NSMAF: variants seen among roughly 807,000 people sequenced by gnomAD.
NSMAF encodes protein FAN.
In NSMAF, 90 loss-of-function variants were observed where a neutral mutation model predicts 134.9. That is an observed-to-expected ratio of 0.67 (90% CI 0.56 to 0.79). The LOEUF (loss-of-function observed/expected upper bound fraction) is 0.79, where lower values mean the gene tolerates loss of function less well. Among genes scored for constraint, NSMAF ranks in the 30% least tolerant of loss-of-function variants. The pLI, the probability that NSMAF is intolerant of heterozygous loss-of-function variation, is 0.00. For synonymous variants in NSMAF, 358 were observed against 389.6 expected (o/e 0.92, Z 0.96); for missense variants, 1,010 against 1,119.0 (o/e 0.90, Z 1.39).
chr8:58,623,341 T>C (rs779957471), intron 8 of NSMAF, 36 bp downstream of exon 8: 8 of 1,610,526 alleles, frequency 5.0e-6, no homozygotes, highest in South Asian at 4.4e-5. Flanking sequence ...ACAAGTTAAT[T>C]GACAATCAAA....
At chr8:58,628,175 C>G (rs964000983) in intron 6 of NSMAF, among the ~76,000 whole-genome samples, 1 of 152,136 alleles carries the variant, frequency 6.6e-6, no homozygotes, top group African/African-American at 2.4e-5. Flanking sequence ...GGAAAACTGG[C>G]AAGCCACATG....
chr8:58,585,477 G>A (rs566265850), intron 30 of NSMAF, among the ~76,000 whole-genome samples, 175 bp downstream of exon 30: 7 of 152,016 alleles, frequency 4.6e-5, no homozygotes, highest in Admixed American at 1.3e-4. Flanking sequence ...TAAATCCTGA[G>A]TAACCTACGA....
chr8:58,600,873 G>A (rs1273319247), intron 16 of NSMAF, among the ~76,000 whole-genome samples: 1 of 151,916 alleles, frequency 6.6e-6, no homozygotes, highest in African/African-American at 2.4e-5. Flanking sequence ...TACACACAGG[G>A]AGCTGTATTC....
At chr8:58,630,334 C>G (rs576908418) in intron 6 of NSMAF, among the ~76,000 whole-genome samples, 150 of 148,032 alleles carry the variant, frequency 1.0e-3, no homozygotes, top group Non-Finnish European at 2.0e-3. Flanking sequence ...TTTTTTTAAT[C>G]TGAGAATGCT....
intron 9 of NSMAF, among the ~76,000 whole-genome samples, chr8:58,616,820 G>A (rs1045129677): frequency 1.3e-5 from 2 of 152,066 alleles, no homozygotes; most frequent in African/African-American, 4.8e-5. Flanking sequence ...TTATGTACAT[G>A]AAAACTCCAT....
intron 11 of NSMAF, 56 bp downstream of exon 11, chr8:58,607,713 C>G: frequency 6.6e-6 from 9 of 1,358,558 alleles, no homozygotes. Flanking sequence ...CAATAAACTG[C>G]TGGCTAAACT....
intron 21 of NSMAF, chr8:58,595,862 T>C (rs977436121): frequency 2.7e-5 from 13 of 487,372 alleles, no homozygotes; most frequent in Admixed American, 9.9e-5. Context: ...AAAGTATCTT[T>C]GAATAATACT....
rs1806330171 is a variant in NSMAF at position 58,603,351 on chromosome 8, T to C, written c.904A>G (p.Met302Val). The C allele has an allele frequency of 1.9e-6, 3 of 1,614,092 alleles. No individual in the cohort carries two copies. Among genetic ancestry groups the C allele is most frequent in the Admixed American group, 1.7e-5 (1 of 60,018 alleles). ...HVAEHTAESYMLQWQRGHLSN... is the reference protein window; with the variant it reads ...HVAEHTAESYVLQWQRGHLSN... The stretch of plus-strand genomic sequence containing the variant: ...AGGTGTCCACGCTGCCACTGCAGCA[T>C]GTAGCTCTCAGCAGTGTGCTCCGCC... Residue 302 changes from methionine (M) to valine (V), a missense_variant, in exon 13 of 31, where the codon ATG becomes GTG. Coordinates refer to ENST00000038176, the MANE Select transcript of NSMAF (RefSeq NM_003580.4).
chr8:58,610,663 G>C (rs187138775), intron 9 of NSMAF, among the ~76,000 whole-genome samples: 1 of 152,220 alleles, frequency 6.6e-6, no homozygotes, highest in Non-Finnish European at 1.5e-5. Flanking sequence ...ATAGAAGTGA[G>C]TAAGGGCTGC....
At chr8:58,610,111 G>A (rs1806494072) in intron 9 of NSMAF, among the ~76,000 whole-genome samples, 1 of 151,966 alleles carries the variant, frequency 6.6e-6, no homozygotes, top group African/African-American at 2.4e-5. Context: ...TTTGACACAA[G>A]TGGCATTTAT....
intron 12 of NSMAF, among the ~76,000 whole-genome samples, chr8:58,604,557 A>AAT (rs10656601): frequency 0.1 from 15,104 of 146,618 alleles, 1,199 homozygotes; most frequent in African/African-American, 0.23. Context: ...AGATATATAT[A>AAT]ATATATATAT....
At chr8:58,653,956 T>G (rs142821507) in intron 1 of NSMAF, among the ~76,000 whole-genome samples, 2 of 152,206 alleles carry the variant, frequency 1.3e-5, no homozygotes, top group Admixed American at 1.3e-4. Context: ...AGTAATACAT[T>G]TTGGGTAAAG....
chr8:58,659,129 C>T (rs1201908383), intron 1 of NSMAF: 3 of 1,325,470 alleles, frequency 2.3e-6, no homozygotes, highest in Non-Finnish European at 2.9e-6. Context: ...GGCGCCGGCG[C>T]CGAGTGCCTG....
Position 58,603,120 on chromosome 8 carries a change from T to A in NSMAF, c.1045+90A>T. On this transcript the variant is annotated intron_variant, in intron 13 of 30. Coordinates refer to ENST00000038176, the MANE Select transcript of NSMAF (RefSeq NM_003580.4). ...AATTTGTTCACATGTCACATCACAA[T>A]TATAAAATAGAATTTATTCTGTCCT... 3 of 1,284,636 alleles carry A rather than the reference T, an allele frequency of 2.3e-6. No individual in the cohort carries two copies. In the South Asian group the frequency reaches 4.1e-5, roughly 17 times the overall value. The allele number at this position is 1,284,636 out of a possible 1,614,324, so 79.6% of individuals were successfully genotyped here.
At chr8:58,584,241 GA>G (rs1242068268) in intron 30 of NSMAF, 41 bp from the exon 31 acceptor site, 1 of 1,444,386 alleles carries the variant, frequency 6.9e-7, no homozygotes. Context: ...AGTTGACCAG[GA>G]GGCACCCAAA....
chr8:58,644,229 A>C (rs1007567722), intron 1 of NSMAF, among the ~76,000 whole-genome samples: 2 of 152,220 alleles, frequency 1.3e-5, no homozygotes, highest in Non-Finnish European at 2.9e-5. Context: ...GCCTCTTGAA[A>C]CACCACTACA....
At chr8:58,605,904 A>G in intron 12 of NSMAF, 23 bp downstream of exon 12, 1 of 1,533,160 alleles carries the variant, frequency 6.5e-7, no homozygotes, top group South Asian at 1.3e-5. Flanking sequence ...AAAGAAAGAA[A>G]CAATGAAGGG....
At chr8:58,644,998 G>A (rs1807413651) in intron 1 of NSMAF, among the ~76,000 whole-genome samples, 2 of 151,688 alleles carry the variant, frequency 1.3e-5, no homozygotes, top group South Asian at 4.1e-4. Context: ...AGCATTAGGA[G>A]AAATACCTAA....
intron 1 of NSMAF, among the ~76,000 whole-genome samples, chr8:58,653,293 G>A (rs1183495300): frequency 6.6e-6 from 1 of 151,978 alleles, no homozygotes; most frequent in African/African-American, 2.4e-5. Context: ...AGGGAAGGAA[G>A]GCAAAATAAA....
Sources: allele counts gnomAD v4.1 joint callset (sites outside exome capture counted in the v4.1 genomes callset), GRCh38; gene constraint gnomAD v4.1.1; transcripts MANE v1.5; gene names NCBI Gene and HGNC (gene_info 2026-07-23, HGNC 2026-07-21).